The following SORCS3 variants were observed in gnomAD, a reference collection of about 807,000 sequenced individuals.
The protein encoded by SORCS3 is VPS10 domain-containing receptor SorCS3.
Under a neutral mutation model 146.3 loss-of-function variants are expected in SORCS3, and 57 were observed. The observed-to-expected ratio is 0.39, with a 90% CI of 0.31 to 0.49. The LOEUF is 0.49. SORCS3 is among the 20% of genes least tolerant of loss of function. The pLI is 0.92. For synonymous variants in SORCS3, 653 were observed against 618.5 expected (o/e 1.06, Z -0.83); for missense variants, 1,341 against 1,575.5 (o/e 0.85, Z 2.52).
At chr10:104,751,966 T>TATATATATATAA (rs1385185892) in intron 1 of SORCS3, among the ~76,000 whole-genome samples, 3 of 109,572 alleles carry the variant, frequency 2.7e-5, no homozygotes, top group African/African-American at 1.2e-4. Flanking sequence ...TATATATATA[T>TATATATATATAA]ATAATAGTTT....
chr10:105,204,657 A>G (rs1313963855), intron 16 of SORCS3, among the ~76,000 whole-genome samples: 3 of 152,086 alleles, frequency 2.0e-5, no homozygotes, highest in African/African-American at 7.2e-5. Flanking sequence ...AGAAGTAGAC[A>G]AGGCCAGATG....
Position 104,650,391 on chromosome 10 carries a change from A to G in SORCS3, c.627+8437A>G, listed in dbSNP as rs564457434. On this transcript the variant is annotated intron_variant, in intron 1 of 26. Coordinates refer to ENST00000369701, the MANE Select transcript of SORCS3 (RefSeq NM_014978.3). ...AAAGTAGACTGTAAGTGAATTGTGT[A>G]GGGGTTGTATGATGATCCATAGATG... 4.7e-3 allele frequency among the ~76,000 whole-genome samples: 720 copies of G among 152,344 alleles called. 2 individuals are homozygous for G. The highest frequency in any genetic ancestry group is 0.023 in the South Asian group (112 of 4,826).
chr10:104,756,316 G>A (rs1026935940), intron 1 of SORCS3, among the ~76,000 whole-genome samples: 2 of 152,190 alleles, frequency 1.3e-5, no homozygotes, highest in African/African-American at 4.8e-5. Context: ...TCCTTCAGAA[G>A]TATACAGCAT....
intron 1 of SORCS3, among the ~76,000 whole-genome samples, chr10:104,713,067 AAC>A (rs1439979758): frequency 6.6e-6 from 1 of 152,140 alleles, no homozygotes; most frequent in African/African-American, 2.4e-5. Context: ...AAAAACCCCA[AAC>A]ACGAAAATTT....
chr10:104,921,167 A>G (rs2019082957), intron 3 of SORCS3, among the ~76,000 whole-genome samples: 1 of 152,190 alleles, frequency 6.6e-6, no homozygotes, highest in African/African-American at 2.4e-5. Flanking sequence ...GGTTCCCAGA[A>G]CTCATTACTG....
At position 104,936,746 on chromosome 10, in the gene SORCS3, C is replaced by A. The variant is rs182022530; in HGVS notation, c.795+20814C>A. Among the ~76,000 whole-genome samples the A allele has an allele frequency of 2.5e-3, 387 of 152,310 alleles. 2 individuals carry two copies. The highest frequency in any genetic ancestry group is 0.014 in the Middle Eastern group (4 of 294). On this transcript the variant is annotated intron_variant, in intron 3 of 26. Transcript: ENST00000369701. The stretch of plus-strand genomic sequence containing the variant: ...TTGTTGTTGAACATAGGATCAAATG[C>A]AAGTAAACCCAGACTGCTATCAATT...
chr10:104,932,179 A>C (rs533523455), intron 3 of SORCS3, among the ~76,000 whole-genome samples: 1 of 152,310 alleles, frequency 6.6e-6, no homozygotes, highest in South Asian at 2.1e-4. Context: ...TTTTCTTGGA[A>C]GATTTTCTTG....
At chr10:104,988,662 T>C (rs1223590275) in intron 4 of SORCS3, among the ~76,000 whole-genome samples, 3 of 152,184 alleles carry the variant, frequency 2.0e-5, no homozygotes, top group Non-Finnish European at 4.4e-5. Context: ...ACAACATCTT[T>C]AATATGGTAA....
chr10:104,956,890 C>G (rs1230388167), intron 3 of SORCS3, among the ~76,000 whole-genome samples: 1 of 152,128 alleles, frequency 6.6e-6, no homozygotes, highest in Non-Finnish European at 1.5e-5. Context: ...CCACAGACAC[C>G]AAAATGAATA....
At chr10:104,727,757 A>G (rs1173758219) in intron 1 of SORCS3, among the ~76,000 whole-genome samples, 1 of 152,104 alleles carries the variant, frequency 6.6e-6, no homozygotes, top group African/African-American at 2.4e-5. Flanking sequence ...GCAAGAGAGC[A>G]TTACTGCCTA....
chr10:104,836,109 G>A lies in SORCS3; in HGVS notation c.628-6683G>A, dbSNP rs1220662863. Among the ~76,000 whole-genome samples the A allele has an allele frequency of 3.9e-5, 6 of 152,276 alleles. No homozygotes were observed. In the East Asian group the frequency reaches 7.7e-4, roughly 20 times the overall value. On this transcript the variant is annotated intron_variant, in intron 1 of 26. Coordinates refer to ENST00000369701, the MANE Select transcript of SORCS3 (RefSeq NM_014978.3). Reference sequence around the variant, plus strand: ...GAGGCAGAGGGCTGGATCCAATTGGGCAAGTGAATTTAGACCAGGAGATAT... The same window carrying A: ...GAGGCAGAGGGCTGGATCCAATTGGACAAGTGAATTTAGACCAGGAGATAT...
intron 1 of SORCS3, among the ~76,000 whole-genome samples, chr10:104,660,931 A>G (rs747789505): frequency 2.0e-5 from 3 of 151,972 alleles, no homozygotes; most frequent in Non-Finnish European, 4.4e-5. Flanking sequence ...ACAATGATGG[A>G]TTTTTCTTGG....
chr10:104,724,967 C>G (rs1429454006), intron 1 of SORCS3, among the ~76,000 whole-genome samples: 1 of 152,212 alleles, frequency 6.6e-6, no homozygotes, highest in African/African-American at 2.4e-5. Context: ...AAGCCTTCTT[C>G]TCTCAACTCG....
chr10:104,870,018 A>C (rs929158765), intron 2 of SORCS3, among the ~76,000 whole-genome samples: 4 of 152,206 alleles, frequency 2.6e-5, no homozygotes, highest in Non-Finnish European at 4.4e-5. Context: ...GATATATGGA[A>C]AGTTGTTGGA....
At chr10:104,870,799 C>T (rs2018511481) in intron 2 of SORCS3, among the ~76,000 whole-genome samples, 1 of 152,200 alleles carries the variant, frequency 6.6e-6, no homozygotes, top group African/African-American at 2.4e-5. Flanking sequence ...CTCTTATTCT[C>T]TTATCCTACT....
At chr10:105,128,618 G>T (rs1048258178) in intron 7 of SORCS3, among the ~76,000 whole-genome samples, 2 of 152,042 alleles carry the variant, frequency 1.3e-5, no homozygotes, top group African/African-American at 4.8e-5. Context: ...CTATAGCTGT[G>T]GCCATCATTT....
intron 1 of SORCS3, among the ~76,000 whole-genome samples, chr10:104,736,535 G>A (rs1434176888): frequency 1.3e-5 from 2 of 152,138 alleles, no homozygotes; most frequent in Non-Finnish European, 2.9e-5. Flanking sequence ...TGACATCAAT[G>A]AATTTAACCG....
At chr10:104,671,273 T>G (rs2015848545) in intron 1 of SORCS3, among the ~76,000 whole-genome samples, 2 of 146,988 alleles carry the variant, frequency 1.4e-5, no homozygotes, top group South Asian at 4.3e-4. Flanking sequence ...ATGTTAACTG[T>G]GTGTTTTTTT....
At chr10:105,007,893 G>A (rs879536069) in intron 4 of SORCS3, among the ~76,000 whole-genome samples, 1 of 152,116 alleles carries the variant, frequency 6.6e-6, no homozygotes, top group Non-Finnish European at 1.5e-5. Flanking sequence ...CAGAAATATG[G>A]GGACCTCTTT....
Sources: gnomAD v4.1 joint callset for allele counts (sites outside exome capture counted in the v4.1 genomes callset) on GRCh38, gnomAD v4.1.1 for gene constraint, MANE v1.5 for transcripts, NCBI Gene and HGNC (gene_info 2026-07-23, HGNC 2026-07-21) for gene names.